GRID1: variants seen among roughly 807,000 people sequenced by gnomAD.
GRID1 encodes the protein glutamate ionotropic receptor delta type subunit 1.
Under a neutral mutation model 98.0 loss-of-function variants are expected in GRID1, and 28 were observed. That is an observed-to-expected ratio of 0.29 (90% CI 0.21 to 0.39). The LOEUF (loss-of-function observed/expected upper bound fraction) is 0.39, where lower values mean the gene tolerates loss of function less well. Ranked by LOEUF, GRID1 falls within the 10% of genes least tolerant of loss-of-function variation. GRID1 has a pLI of 1.00. For synonymous variants in GRID1, 553 were observed against 538.5 expected (o/e 1.03, Z -0.37); for missense variants, 1,111 against 1,340.5 (o/e 0.83, Z 2.67).
intron 2 of GRID1, among the ~76,000 whole-genome samples, chr10:86,289,874 A>G (rs1240562460): frequency 3.3e-5 from 5 of 152,184 alleles, no homozygotes. Flanking sequence ...TTGTGCTGAG[A>G]CTGTGGACAC....
intron 13 of GRID1, among the ~76,000 whole-genome samples, chr10:85,622,009 G>A (rs982156969): frequency 6.6e-6 from 1 of 152,112 alleles, no homozygotes; most frequent in African/African-American, 2.4e-5. Flanking sequence ...TTAAGATAAA[G>A]GTTTGTTTCT....
At chr10:85,837,680 G>A (rs1287949397) in intron 8 of GRID1, among the ~76,000 whole-genome samples, 1 of 151,068 alleles carries the variant, frequency 6.6e-6, no homozygotes, top group East Asian at 1.9e-4. Context: ...CTCAAAGATT[G>A]AAGTTAGATA....
rs563685664 is a variant in GRID1, at chr10:85,742,410, C to T, written c.1234-12796G>A. On this transcript the variant is annotated intron_variant, in intron 8 of 15. Coordinates refer to ENST00000327946, the MANE Select transcript of GRID1 (RefSeq NM_017551.3). ...TGCATTGGGCCCAAGGGCCATAGTT[C>T]GTTAATTCCTGAATGTTGATACCTT... Among the ~76,000 whole-genome samples the T allele has an allele frequency of 3.9e-5, 6 of 152,192 alleles. No homozygotes were observed. In the East Asian group the frequency reaches 5.8e-4, roughly 15 times the overall value.
At position 85,826,330 on chromosome 10, in the gene GRID1, G is replaced by A. The variant is rs144960923; in HGVS notation, c.1233+28166C>T. Among the ~76,000 whole-genome samples the A allele has an allele frequency of 6.7e-3, 1,012 of 152,178 alleles. 9 individuals are homozygous for A. The highest frequency in any genetic ancestry group is 0.011 in the Non-Finnish European group (730 of 67,994). ...AGCCTGGGCGACAGAGCGAGACTCC[G>A]TCAAAAACAAAACAAAACAAAACAA... On this transcript the variant is annotated intron_variant, in intron 8 of 15. Coordinates refer to ENST00000327946, the MANE Select transcript of GRID1 (RefSeq NM_017551.3).
intron 4 of GRID1, among the ~76,000 whole-genome samples, chr10:86,126,362 G>C (rs1207881470): frequency 1.3e-5 from 2 of 152,234 alleles, no homozygotes; most frequent in African/African-American, 4.8e-5. Context: ...GGCTGAGGCA[G>C]AGAATTGCTT....
At chr10:86,081,875 T>C (rs1418653536) in intron 4 of GRID1, among the ~76,000 whole-genome samples, 1 of 152,230 alleles carries the variant, frequency 6.6e-6, no homozygotes. Context: ...GCACAGAGCA[T>C]TTTCAGGGCA....
intron 4 of GRID1, among the ~76,000 whole-genome samples, chr10:86,112,350 G>A (rs1411003904): frequency 6.6e-6 from 1 of 152,126 alleles, no homozygotes; most frequent in Non-Finnish European, 1.5e-5. Flanking sequence ...CTCCTCAAGT[G>A]AACATCTGTT....
intron 13 of GRID1, among the ~76,000 whole-genome samples, chr10:85,624,365 C>A (rs187229311): frequency 7.2e-4 from 109 of 152,310 alleles, no homozygotes; most frequent in African/African-American, 2.4e-3. Context: ...AATGCCTTAG[C>A]ATAAGGCTGG....
intron 12 of GRID1, among the ~76,000 whole-genome samples, chr10:85,686,941 G>A (rs1416603824): frequency 9.9e-5 from 15 of 151,900 alleles, no homozygotes; most frequent in Admixed American, 9.2e-4. Context: ...TTACAAAGAA[G>A]AAATATACAT....
chr10:85,970,262 C>T (rs906351292), intron 4 of GRID1, among the ~76,000 whole-genome samples: 12 of 151,992 alleles, frequency 7.9e-5, no homozygotes, highest in African/African-American at 2.7e-4. Flanking sequence ...AATGCCATGC[C>T]TTCACAAACT....
chr10:86,278,905 T>G (rs1368033507), intron 2 of GRID1, among the ~76,000 whole-genome samples: 1 of 152,218 alleles, frequency 6.6e-6, no homozygotes, highest in Non-Finnish European at 1.5e-5. Context: ...GAATGAATAC[T>G]TCCCAATTTG....
intron 5 of GRID1, among the ~76,000 whole-genome samples, chr10:85,909,762 C>A (rs1841511297): frequency 6.6e-6 from 1 of 152,112 alleles, no homozygotes; most frequent in Non-Finnish European, 1.5e-5. Flanking sequence ...TGAGAGTGGG[C>A]CAGGAGGGTG....
At chr10:86,104,298 G>A (rs897056959) in intron 4 of GRID1, among the ~76,000 whole-genome samples, 9 of 152,230 alleles carry the variant, frequency 5.9e-5, no homozygotes, top group African/African-American at 1.9e-4. Flanking sequence ...GCTCTGTGAA[G>A]TTCCCTCCAA....
At chr10:85,769,083 A>G (rs1373966672) in intron 8 of GRID1, among the ~76,000 whole-genome samples, 1 of 152,226 alleles carries the variant, frequency 6.6e-6, no homozygotes, top group Non-Finnish European at 1.5e-5. Flanking sequence ...ATAGTAATGT[A>G]CCTGTAAAAA....
chr10:86,235,476 C>T (rs930358294), intron 2 of GRID1, among the ~76,000 whole-genome samples: 1 of 152,176 alleles, frequency 6.6e-6, no homozygotes, highest in African/African-American at 2.4e-5. Context: ...ATTGTGCAAC[C>T]ATCCCCACTA....
intron 5 of GRID1, among the ~76,000 whole-genome samples, chr10:85,885,770 T>G (rs990791621): frequency 6.6e-6 from 1 of 152,152 alleles, no homozygotes; most frequent in Non-Finnish European, 1.5e-5. Flanking sequence ...CAGATGTGGA[T>G]GACAGAGTTA....
intron 8 of GRID1, among the ~76,000 whole-genome samples, chr10:85,782,675 G>C (rs1842391496): frequency 1.3e-5 from 2 of 152,244 alleles, no homozygotes; most frequent in African/African-American, 4.8e-5. Context: ...GGCTGAGGGA[G>C]CAGCGAGTGC....
chr10:86,045,949 A>G (rs1180494000), intron 4 of GRID1, among the ~76,000 whole-genome samples: 3 of 152,154 alleles, frequency 2.0e-5, no homozygotes, highest in Non-Finnish European at 4.4e-5. Context: ...TCCACTGGCC[A>G]TGGACTTGAG....
intron 13 of GRID1, among the ~76,000 whole-genome samples, chr10:85,628,948 G>A (rs1842942369): frequency 6.6e-6 from 1 of 152,108 alleles, no homozygotes; most frequent in Admixed American, 6.5e-5. Flanking sequence ...AGACATGAGG[G>A]CAGCCCTTAG....
Sources: gnomAD v4.1 joint callset for allele counts (sites outside exome capture counted in the v4.1 genomes callset) on GRCh38, gnomAD v4.1.1 for gene constraint, MANE v1.5 for transcripts, NCBI Gene and HGNC (gene_info 2026-07-23, HGNC 2026-07-21) for gene names.